Variants in BACH2 observed in about 807,000 individuals in gnomAD.
BACH2 encodes the protein BACH transcriptional regulator 2.
Under a neutral mutation model 61.8 loss-of-function variants are expected in BACH2, and 5 were observed. The ratio of observed to expected loss-of-function variants is 0.08; its 90% CI spans 0.04 to 0.17. BACH2 has a LOEUF of 0.17. Ranked by LOEUF, BACH2 falls within the 10% of genes least tolerant of loss-of-function variation. The probability of loss-of-function intolerance (pLI) is 1.00; values close to 1 mark genes in which losing one functional copy is unlikely to be tolerated. For missense variants in BACH2, 824 were observed against 1,091.1 expected (o/e 0.76, Z 3.45); for synonymous variants, 446 against 440.1 (o/e 1.01, Z -0.17).
At chr6:89,980,317 A>G (rs1775881306) in intron 6 of BACH2, among the ~76,000 whole-genome samples, 1 of 151,846 alleles carries the variant, frequency 6.6e-6, no homozygotes, top group African/African-American at 2.4e-5. Flanking sequence ...AATCTGTTTT[A>G]GGGGACGATC....
At chr6:90,143,211 C>A (rs929262882) in intron 4 of BACH2, among the ~76,000 whole-genome samples, 2 of 152,114 alleles carry the variant, frequency 1.3e-5, no homozygotes, top group African/African-American at 4.8e-5. Context: ...CCTTCTACTC[C>A]CCATAAAGTC....
chr6:89,982,016 G>A (rs973986496), intron 6 of BACH2, among the ~76,000 whole-genome samples: 5 of 151,970 alleles, frequency 3.3e-5, no homozygotes, highest in Non-Finnish European at 7.4e-5. Flanking sequence ...TGTCGCCCAG[G>A]CTGGAGTGTA....
At chr6:90,029,573 A>G (rs1382871031) in intron 5 of BACH2, among the ~76,000 whole-genome samples, 1 of 152,032 alleles carries the variant, frequency 6.6e-6, no homozygotes, top group Non-Finnish European at 1.5e-5. Flanking sequence ...TTAATGACCT[A>G]TTTTTCTATT....
At chr6:90,294,988 T>G (rs551437935) in intron 1 of BACH2, among the ~76,000 whole-genome samples, 1 of 152,360 alleles carries the variant, frequency 6.6e-6, no homozygotes, top group Non-Finnish European at 1.5e-5. Context: ...TCTAAAGTAA[T>G]TACCCTTTTT....
At chr6:90,137,089 AG>A (rs1197430418) in intron 4 of BACH2, among the ~76,000 whole-genome samples, 3 of 152,218 alleles carry the variant, frequency 2.0e-5, no homozygotes, top group African/African-American at 7.2e-5. Flanking sequence ...CAGTGAAGCC[AG>A]GAAGAGAACA....
chr6:90,146,080 G>T (rs780268848), intron 4 of BACH2, among the ~76,000 whole-genome samples: 1 of 152,246 alleles, frequency 6.6e-6, no homozygotes, highest in Non-Finnish European at 1.5e-5. Context: ...CACAGAAAGA[G>T]AATTCTGAAG....
At chr6:89,962,261 C>A (rs1039880681) in intron 6 of BACH2, among the ~76,000 whole-genome samples, 14 of 152,120 alleles carry the variant, frequency 9.2e-5, no homozygotes, top group Non-Finnish European at 1.5e-4. Flanking sequence ...CTACCTAGGG[C>A]TTCCTTTCCC....
intron 4 of BACH2, among the ~76,000 whole-genome samples, chr6:90,170,677 A>T (rs1466295629): frequency 6.6e-6 from 1 of 152,228 alleles, no homozygotes; most frequent in Non-Finnish European, 1.5e-5. Context: ...CTGTAGTGAA[A>T]TCCATGAATG....
chr6:90,090,509 C>T (rs1315490023), intron 4 of BACH2, among the ~76,000 whole-genome samples: 1 of 152,104 alleles, frequency 6.6e-6, no homozygotes, highest in African/African-American at 2.4e-5. Context: ...CCTCACGCAA[C>T]TTAACAAAAT....
At chr6:90,054,313 G>C (rs1582274085) in intron 5 of BACH2, among the ~76,000 whole-genome samples, 1 of 152,226 alleles carries the variant, frequency 6.6e-6, no homozygotes, top group South Asian at 2.1e-4. Flanking sequence ...CACACCAGGA[G>C]ATTATATCCC....
At chr6:90,220,552 C>A (rs961919639) in intron 3 of BACH2, among the ~76,000 whole-genome samples, 1 of 152,214 alleles carries the variant, frequency 6.6e-6, no homozygotes, top group African/African-American at 2.4e-5. Flanking sequence ...CAGCCCTTGT[C>A]AGTCCTCATT....
chr6:90,065,058 C>T (rs556240282), intron 5 of BACH2, among the ~76,000 whole-genome samples: 10 of 151,366 alleles, frequency 6.6e-5, no homozygotes, highest in Admixed American at 2.6e-4. Context: ...AAAGCTGACT[C>T]GGGGCTTAGC....
intron 5 of BACH2, among the ~76,000 whole-genome samples, chr6:90,067,957 C>T (rs1205041470): frequency 6.6e-6 from 1 of 151,750 alleles, no homozygotes; most frequent in Non-Finnish European, 1.5e-5. Context: ...TATTAAGCAC[C>T]CATTCCATGT....
chr6:90,225,887 G>A (rs1769897075), intron 3 of BACH2, among the ~76,000 whole-genome samples: 1 of 152,208 alleles, frequency 6.6e-6, no homozygotes, highest in South Asian at 2.1e-4. Context: ...GAGATCTGGA[G>A]GGGAGAGGTA....
At chr6:90,225,110 C>T (rs1362251065) in intron 3 of BACH2, among the ~76,000 whole-genome samples, 2 of 151,502 alleles carry the variant, frequency 1.3e-5, no homozygotes, top group African/African-American at 4.9e-5. Context: ...CAAGGTTGGG[C>T]ATGCTGGCTC....
chr6:90,020,963 G>C (rs1441217640), intron 5 of BACH2, among the ~76,000 whole-genome samples: 5 of 152,138 alleles, frequency 3.3e-5, no homozygotes, highest in African/African-American at 9.7e-5. Flanking sequence ...AAATCAGATT[G>C]TAAGGAAGCT....
chr6:90,003,373 T>C (rs866716322), intron 6 of BACH2, among the ~76,000 whole-genome samples: 1 of 152,364 alleles, frequency 6.6e-6, no homozygotes, highest in Middle Eastern at 3.4e-3. Flanking sequence ...CAGGTCTCTC[T>C]TCAAAAGTCA....
chr6:90,067,737 ATGG>A (rs1198663225), intron 5 of BACH2, among the ~76,000 whole-genome samples: 1 of 152,160 alleles, frequency 6.6e-6, no homozygotes, highest in African/African-American at 2.4e-5. Context: ...ACACTTCTAA[ATGG>A]TGGTAATCGG....
intron 2 of BACH2, among the ~76,000 whole-genome samples, chr6:90,263,718 G>A (rs1462256691): frequency 6.6e-6 from 1 of 152,122 alleles, no homozygotes; most frequent in Non-Finnish European, 1.5e-5. Flanking sequence ...TCTCAAAATA[G>A]TGTGCTAACA....
Sources: allele counts gnomAD v4.1 joint callset (sites outside exome capture counted in the v4.1 genomes callset), GRCh38; gene constraint gnomAD v4.1.1; transcripts MANE v1.5; gene names NCBI Gene and HGNC (gene_info 2026-07-23, HGNC 2026-07-21).